The following PALLD variants were observed in gnomAD, a reference collection of about 807,000 sequenced individuals.
PALLD encodes the protein palladin.
In PALLD, 61 loss-of-function variants were observed where a neutral mutation model predicts 123.5. That is an observed-to-expected ratio of 0.49 (90% CI 0.40 to 0.61). The LOEUF is 0.61. PALLD is among the 20% of genes least tolerant of loss of function. The pLI is 0.00. For missense variants in PALLD, 1,273 were observed against 1,377.0 expected (o/e 0.92, Z 1.20); for synonymous variants, 465 against 496.4 (o/e 0.94, Z 0.84).
At chr4:168,712,571 C>T (rs1291493188) in intron 10 of PALLD, among the ~76,000 whole-genome samples, 1 of 152,084 alleles carries the variant, frequency 6.6e-6, no homozygotes, top group Non-Finnish European at 1.5e-5. Flanking sequence ...CCATTGGCAC[C>T]GCACAGCAGA....
At chr4:168,631,087 T>C (rs1775752443) in intron 2 of PALLD, among the ~76,000 whole-genome samples, 2 of 152,184 alleles carry the variant, frequency 1.3e-5, no homozygotes, top group African/African-American at 4.8e-5. Flanking sequence ...AAAGACCAGA[T>C]TTATTCTTGG....
chr4:168,654,063 C>T (rs893345619), intron 2 of PALLD, among the ~76,000 whole-genome samples: 1 of 152,130 alleles, frequency 6.6e-6, no homozygotes, highest in African/African-American at 2.4e-5. Flanking sequence ...TCAAGCAATC[C>T]TTCAACCTCA....
rs142541613 is a variant in PALLD, at chr4:168,860,329, G to A, written c.1965-30593G>A. Among the ~76,000 whole-genome samples the A allele has an allele frequency of 3.4e-3, 513 of 152,212 alleles. 3 individuals carry two copies. Among genetic ancestry groups the A allele is most frequent in the African/African-American group, 0.011 (461 of 41,506 alleles). ...TGCACAGCTGGACAGAAGCCCCCTC[G>A]GACTCCCAGGTCTGGAGTCGGGGCA... On this transcript the variant is annotated intron_variant, in intron 10 of 21. Coordinates refer to ENST00000505667, the MANE Select transcript of PALLD (RefSeq NM_001166108.2).
At chr4:168,660,863 A>T (rs1490119913) in intron 2 of PALLD, among the ~76,000 whole-genome samples, 1 of 152,096 alleles carries the variant, frequency 6.6e-6, no homozygotes, top group African/African-American at 2.4e-5. Flanking sequence ...CAACTTTGAA[A>T]GATTTTTGAA....
intron 1 of PALLD, among the ~76,000 whole-genome samples, chr4:168,505,386 A>G (rs1761904913): frequency 6.6e-6 from 1 of 152,196 alleles, no homozygotes; most frequent in South Asian, 2.1e-4. Flanking sequence ...AGAATTGAAA[A>G]TGTTTTCATC....
chr4:168,585,438 A>G (rs889457025), intron 2 of PALLD, among the ~76,000 whole-genome samples: 7 of 152,160 alleles, frequency 4.6e-5, no homozygotes, highest in African/African-American at 1.7e-4. Context: ...CACAGAAAAG[A>G]GATTTGCAAC....
chr4:168,904,500 A>G (rs773756194), intron 15 of PALLD, among the ~76,000 whole-genome samples: 4 of 152,206 alleles, frequency 2.6e-5, no homozygotes, highest in Non-Finnish European at 5.9e-5. Flanking sequence ...GCTGGGTATC[A>G]TGTTGCCAGT....
At chr4:168,668,816 A>T (rs1779905071) in intron 3 of PALLD, among the ~76,000 whole-genome samples, 2 of 152,140 alleles carry the variant, frequency 1.3e-5, no homozygotes, top group Non-Finnish European at 2.9e-5. Flanking sequence ...AGACCCCATT[A>T]TTCCTTCTAA....
At chr4:168,505,011 T>C (rs1302546456) in intron 1 of PALLD, 3 of 152,170 alleles carry the variant, frequency 2.0e-5, no homozygotes, top group African/African-American at 4.8e-5. Context: ...ATGGAGATGT[T>C]TGTGATTGTG....
chr4:168,800,139 T>C (rs922208719), intron 10 of PALLD, among the ~76,000 whole-genome samples: 6 of 152,208 alleles, frequency 3.9e-5, no homozygotes, highest in African/African-American at 1.4e-4. Context: ...TAAATAATAC[T>C]TGCTAACTTT....
At chr4:168,667,495 G>A (rs1007370944) in intron 2 of PALLD, among the ~76,000 whole-genome samples, 1 of 152,174 alleles carries the variant, frequency 6.6e-6, no homozygotes, top group Non-Finnish European at 1.5e-5. Context: ...GGGGAAGAGA[G>A]GAGAGAGAGT....
chr4:168,755,190 A>G (rs371305756), intron 10 of PALLD, among the ~76,000 whole-genome samples: 84 of 147,934 alleles, frequency 5.7e-4, no homozygotes, highest in African/African-American at 9.8e-4. Flanking sequence ...CCGAGATTGC[A>G]CCACTGCACT....
chr4:168,816,198 G>A (rs757431369), intron 10 of PALLD, among the ~76,000 whole-genome samples: 2 of 152,032 alleles, frequency 1.3e-5, no homozygotes, highest in African/African-American at 2.4e-5. Flanking sequence ...GCAGAGAGCC[G>A]TGCTTTCCTC....
intron 2 of PALLD, among the ~76,000 whole-genome samples, chr4:168,646,779 T>C (rs1398387062): frequency 1.3e-5 from 2 of 152,230 alleles, no homozygotes; most frequent in Non-Finnish European, 2.9e-5. Flanking sequence ...TCTTACACTA[T>C]AAAATCTTAG....
chr4:168,531,834 G>A (rs1764632533), intron 2 of PALLD, among the ~76,000 whole-genome samples: 1 of 152,154 alleles, frequency 6.6e-6, no homozygotes, highest in Non-Finnish European at 1.5e-5. Context: ...ATCCTTTCCT[G>A]CTTTGGCAAT....
At chr4:168,847,799 G>T (rs1325605415) in intron 10 of PALLD, among the ~76,000 whole-genome samples, 1 of 151,708 alleles carries the variant, frequency 6.6e-6, no homozygotes. Flanking sequence ...CTTATCCTTT[G>T]TATTACAAAC....
rs567095866 is a variant in PALLD at position 168,918,190 on chromosome 4, C to CA, written c.2850+2176dup. 9.0e-3 allele frequency among the ~76,000 whole-genome samples: 1,062 copies of CA among 117,984 alleles called. 9 individuals carry two copies. The highest frequency in any genetic ancestry group is 9.6e-3 in the South Asian group (36 of 3,736). The allele number at this position is 117,984 out of a possible 152,430, so 77.4% of individuals were successfully genotyped here. A position where few individuals can be genotyped will look rare whatever the true frequency, so the allele number is the denominator to read the frequency against. The stretch of plus-strand genomic sequence containing the variant: ...AGAACAAGACTCCCCGTCTCCCCCA[C>CA]AAAAAAAAAAAAAGAAAAGAAAATG... On this transcript the variant is annotated intron_variant, in intron 17 of 21. Coordinates refer to ENST00000505667, the MANE Select transcript of PALLD (RefSeq NM_001166108.2).
At chr4:168,748,177 A>G (rs756508381) in intron 10 of PALLD, among the ~76,000 whole-genome samples, 47 of 152,236 alleles carry the variant, frequency 3.1e-4, no homozygotes, top group Admixed American at 7.8e-4. Flanking sequence ...AAATATTTAC[A>G]AAACACATTA....
intron 10 of PALLD, among the ~76,000 whole-genome samples, chr4:168,751,184 G>A (rs968473563): frequency 2.0e-5 from 3 of 151,772 alleles, no homozygotes; most frequent in Admixed American, 6.6e-5. Flanking sequence ...GGCTAATTTT[G>A]TATTTTTAGT....
Sources: gnomAD v4.1 joint callset for allele counts (sites outside exome capture counted in the v4.1 genomes callset) on GRCh38, gnomAD v4.1.1 for gene constraint, MANE v1.5 for transcripts, NCBI Gene and HGNC (gene_info 2026-07-23, HGNC 2026-07-21) for gene names.